ISM1: variants seen among roughly 807,000 people sequenced by gnomAD.
The protein encoded by ISM1 is isthmin-1.
In ISM1, 25 loss-of-function variants were observed where a neutral mutation model predicts 46.3. That is an observed-to-expected ratio of 0.54 (90% CI 0.39 to 0.75). The LOEUF (loss-of-function observed/expected upper bound fraction) is 0.75, where lower values mean the gene tolerates loss of function less well. Ranked by LOEUF, ISM1 falls within the 30% of genes least tolerant of loss-of-function variation. The pLI, the probability that ISM1 is intolerant of heterozygous loss-of-function variation, is 0.00. For missense variants in ISM1, 536 were observed against 625.4 expected (o/e 0.86, Z 1.52); for synonymous variants, 255 against 256.7 (o/e 0.99, Z 0.06).
intron 1 of ISM1, among the ~76,000 whole-genome samples, chr20:13,225,424 C>T (rs1179373471): frequency 6.6e-6 from 1 of 152,114 alleles, no homozygotes; most frequent in Non-Finnish European, 1.5e-5. Flanking sequence ...TTAACTATGA[C>T]ATATATGTAT....
chr20:13,269,597 T>C (rs1364331984), intron 1 of ISM1, among the ~76,000 whole-genome samples: 2 of 152,198 alleles, frequency 1.3e-5, no homozygotes, highest in East Asian at 3.9e-4. Context: ...TCCTTTGCTG[T>C]TCCTTTTGCT....
chr20:13,263,705 G>T (rs2040013710), intron 1 of ISM1, among the ~76,000 whole-genome samples: 3 of 152,192 alleles, frequency 2.0e-5, no homozygotes, highest in Admixed American at 2.0e-4. Flanking sequence ...AATGTGGAAG[G>T]CGCACAGCCA....
At chr20:13,277,223 G>A (rs533658807) in intron 2 of ISM1, among the ~76,000 whole-genome samples, 43 of 152,226 alleles carry the variant, frequency 2.8e-4, no homozygotes, top group African/African-American at 5.5e-4. Flanking sequence ...TGCAGGGCAC[G>A]TTTTGTTTAA....
chr20:13,304,243 A>G (rs2040481417), downstream of ISM1, among the ~76,000 whole-genome samples: 1 of 152,214 alleles, frequency 6.6e-6, no homozygotes, highest in Non-Finnish European at 1.5e-5. Flanking sequence ...TGAGGGGTCC[A>G]GGAAGCAGAG....
chr20:13,242,618 C>T (rs1370654989), intron 1 of ISM1, among the ~76,000 whole-genome samples: 2 of 152,118 alleles, frequency 1.3e-5, no homozygotes, highest in Admixed American at 6.5e-5. Context: ...CTGGGGGAGC[C>T]ATGATGGGAA....
intron 1 of ISM1, among the ~76,000 whole-genome samples, chr20:13,228,541 T>A (rs1346032428): frequency 6.6e-6 from 1 of 152,130 alleles, no homozygotes; most frequent in Non-Finnish European, 1.5e-5. Flanking sequence ...TCTTTGTAGG[T>A]GATTTTTTTA....
intron 1 of ISM1, chr20:13,239,245 G>T (rs998447456): frequency 3.3e-5 from 5 of 152,228 alleles, no homozygotes; most frequent in Non-Finnish European, 7.3e-5. Flanking sequence ...TCTGTTCCAG[G>T]TTCTCCCCAG....
chr20:13,308,144 T>C, the ISM1 span, among the ~76,000 whole-genome samples: 1 of 152,158 alleles, frequency 6.6e-6, no homozygotes, highest in Non-Finnish European at 1.5e-5. Flanking sequence ...ACTCAATACG[T>C]GCATACTGAG....
chr20:13,302,437 G>A (rs1172699919), downstream of ISM1, among the ~76,000 whole-genome samples: 5 of 152,104 alleles, frequency 3.3e-5, no homozygotes, highest in South Asian at 4.1e-4. Context: ...AGTGATCTTC[G>A]GAAATCAAGA....
chr20:13,298,027 T>C (rs2040423382), intron 5 of ISM1, among the ~76,000 whole-genome samples: 1 of 152,244 alleles, frequency 6.6e-6, no homozygotes. Context: ...AACTGAGTCC[T>C]ATAAATCTTC....
chr20:13,223,434 A>G (rs1053907044), intron 1 of ISM1, among the ~76,000 whole-genome samples: 2 of 152,238 alleles, frequency 1.3e-5, no homozygotes, highest in Non-Finnish European at 2.9e-5. Context: ...TACTGTTAAT[A>G]TAGCCTCATT....
chr20:13,257,843 C>T (rs1042467511), intron 1 of ISM1, among the ~76,000 whole-genome samples: 1 of 152,070 alleles, frequency 6.6e-6, no homozygotes, highest in African/African-American at 2.4e-5. Flanking sequence ...ATTCTGGAGC[C>T]GAGCAGCATT....
intron 1 of ISM1, among the ~76,000 whole-genome samples, chr20:13,268,320 C>A (rs1490345674): frequency 1.4e-5 from 2 of 147,506 alleles, no homozygotes; most frequent in Non-Finnish European, 3.0e-5. Flanking sequence ...TTTCTCTTCT[C>A]TTCTCTTTCT....
intron 4 of ISM1, among the ~76,000 whole-genome samples, chr20:13,291,289 G>A (rs2040350478): frequency 1.3e-5 from 2 of 152,128 alleles, no homozygotes; most frequent in African/African-American, 4.8e-5. Flanking sequence ...GGGCTCCCTT[G>A]TAACATGAAG....
At chr20:13,315,759 C>T in the ISM1 span, among the ~76,000 whole-genome samples, 1 of 151,900 alleles carries the variant, frequency 6.6e-6, no homozygotes, top group Non-Finnish European at 1.5e-5. Flanking sequence ...CCATAAAATA[C>T]ACCTTAAAAA....
intron 1 of ISM1, among the ~76,000 whole-genome samples, chr20:13,264,648 C>T (rs1347896627): frequency 6.6e-6 from 1 of 152,214 alleles, no homozygotes; most frequent in Non-Finnish European, 1.5e-5. Context: ...TATGGCCATC[C>T]ACCTTGGTCA....
chr20:13,244,226 TAA>T (rs1462869964), intron 1 of ISM1: 1 of 152,148 alleles, frequency 6.6e-6, no homozygotes, highest in African/African-American at 2.4e-5. Flanking sequence ...AAGGTCAAAC[TAA>T]AAGTCTACAA....
At chr20:13,264,108 T>C (rs1568676639) in intron 1 of ISM1, among the ~76,000 whole-genome samples, 1 of 152,122 alleles carries the variant, frequency 6.6e-6, no homozygotes. Context: ...CTAGTACTTA[T>C]TTGTTGCCCC....
intron 5 of ISM1, among the ~76,000 whole-genome samples, chr20:13,295,398 TTATATTCC>T (rs140671760): frequency 8.1e-4 from 124 of 152,298 alleles, no homozygotes; most frequent in East Asian, 7.3e-3. Context: ...ACCAACAATC[TTATATTCC>T]TATACCTTCT....
Sources: allele counts gnomAD v4.1 joint callset (sites outside exome capture counted in the v4.1 genomes callset), GRCh38; gene constraint gnomAD v4.1.1; transcripts MANE v1.5; gene names NCBI Gene and HGNC (gene_info 2026-07-23, HGNC 2026-07-21).